Variants in SYTL3 observed in about 807,000 individuals in gnomAD.
The protein encoded by SYTL3 is synaptotagmin-like protein 3.
A neutral mutation model predicts 82.1 loss-of-function variants in SYTL3; 88 were observed. That is an observed-to-expected ratio of 1.07 (90% confidence interval 0.90 to 1.28). The LOEUF (loss-of-function observed/expected upper bound fraction) is 1.28. Among genes scored for constraint, SYTL3 ranks in the 50% most tolerant of loss-of-function variants. The probability of loss-of-function intolerance (pLI) is 0.00; values close to 1 mark genes in which losing one functional copy is unlikely to be tolerated. For synonymous variants in SYTL3, 311 were observed against 289.4 expected (o/e 1.07, Z -0.76); for missense variants, 831 against 757.6 (o/e 1.10, Z -1.14).
chr6:158,700,972 A>T lies in SYTL3; in HGVS notation c.395-6258A>T, dbSNP rs369915454. On this transcript the variant is annotated intron_variant, in intron 6 of 17. Coordinates refer to ENST00000611299, the MANE Select transcript of SYTL3 (RefSeq NM_001242394.2). ...GCAAGCCCTCTTCTGGGTACCAGGG[A>T]CAGCGAGATGCAGAAGATGAGGCCA... Among the ~76,000 whole-genome samples, 17 of 152,324 alleles carry T rather than the reference A, an allele frequency of 1.1e-4. No homozygotes were observed. The East Asian group carries it at 1.5e-3, about 14-fold the overall frequency.
chr6:158,659,966 A>C (rs1432453836), intron 2 of SYTL3, among the ~76,000 whole-genome samples: 3 of 152,284 alleles, frequency 2.0e-5, no homozygotes, highest in African/African-American at 7.2e-5. Context: ...CAGTCAGTCA[A>C]GTCATGAACC....
intron 10 of SYTL3, among the ~76,000 whole-genome samples, chr6:158,718,427 C>T (rs949061073): frequency 1.1e-4 from 17 of 152,206 alleles, no homozygotes; most frequent in African/African-American, 4.1e-4. Context: ...CTGTTCAGCA[C>T]AAGGAAAGGC....
chr6:158,760,784 T>C, intron 15 of SYTL3, 39 bp downstream of exon 15: 3 of 1,519,596 alleles, frequency 2.0e-6, no homozygotes, highest in Non-Finnish European at 2.7e-6. Context: ...GTCTGTGTCA[T>C]TGTCTGCAGA....
chr6:158,757,483 G>A, intron 14 of SYTL3, 102 bp downstream of exon 14: 1 of 1,292,516 alleles, frequency 7.7e-7, no homozygotes, highest in East Asian at 2.3e-5. Flanking sequence ...GCAAGACTTG[G>A]ACCCAAGACT....
intron 6 of SYTL3, among the ~76,000 whole-genome samples, chr6:158,685,969 A>G (rs1040919332): frequency 6.6e-6 from 1 of 152,242 alleles, no homozygotes; most frequent in South Asian, 2.1e-4. Context: ...AATGCCAGCT[A>G]AGTGCAGACA....
rs1406330365 is a variant in SYTL3 at position 158,760,753 on chromosome 6, GCCTCC to G, written c.1414+9_1414+13del. The G allele has an allele frequency of 6.9e-6, 11 of 1,603,756 alleles. No individual in the cohort carries two copies. Among genetic ancestry groups the G allele is most frequent in the South Asian group, 1.1e-5 (1 of 90,860 alleles). Reference sequence around the variant, plus strand: ...TCCAAGAGGCTCAAGAAGGTCAGTGGCCTCCAGCTCCCTGGACATTGTCTGTGTCA... The same window carrying G: ...TCCAAGAGGCTCAAGAAGGTCAGTGGAGCTCCCTGGACATTGTCTGTGTCA... On this transcript the variant is annotated intron_variant, in intron 15 of 17. Coordinates refer to ENST00000611299, the MANE Select transcript of SYTL3 (RefSeq NM_001242394.2).
At chr6:158,674,558 C>T (rs1191463928) in intron 5 of SYTL3, among the ~76,000 whole-genome samples, 2 of 152,212 alleles carry the variant, frequency 1.3e-5, no homozygotes, top group African/African-American at 4.8e-5. Context: ...CCACAGAGAG[C>T]GTGTGCTCCT....
intron 11 of SYTL3, among the ~76,000 whole-genome samples, chr6:158,729,808 C>T (rs532042523): frequency 1.2e-4 from 18 of 151,958 alleles, no homozygotes; most frequent in East Asian, 7.7e-4. Context: ...CCTTGTGATC[C>T]GCTCGCCTTG....
At chr6:158,679,615 G>A (rs1468616001) in intron 5 of SYTL3, among the ~76,000 whole-genome samples, 1 of 152,134 alleles carries the variant, frequency 6.6e-6, no homozygotes, top group Non-Finnish European at 1.5e-5. Context: ...AGATCCTCGA[G>A]TTTATGCCCA....
At chr6:158,741,824 A>G (rs1027335924) in intron 11 of SYTL3, among the ~76,000 whole-genome samples, 7 of 152,074 alleles carry the variant, frequency 4.6e-5, no homozygotes, top group African/African-American at 1.7e-4. Flanking sequence ...CACCTTTCCA[A>G]TTTGCTTCCA....
At chr6:158,721,391 AATTTTT>A (rs1240414733) in intron 10 of SYTL3, among the ~76,000 whole-genome samples, 2 of 151,358 alleles carry the variant, frequency 1.3e-5, no homozygotes, top group Non-Finnish European at 2.9e-5. Flanking sequence ...GATTTTTTTT[AATTTTT>A]ATTTTTAGTA....
intron 11 of SYTL3, among the ~76,000 whole-genome samples, chr6:158,742,252 C>T (rs1787021364): frequency 6.6e-6 from 1 of 152,210 alleles, no homozygotes; most frequent in African/African-American, 2.4e-5. Context: ...GAATGTATTC[C>T]AATATCAAAT....
chr6:158,735,287 A>G (rs1217819620), intron 11 of SYTL3, among the ~76,000 whole-genome samples: 1 of 152,180 alleles, frequency 6.6e-6, no homozygotes, highest in Non-Finnish European at 1.5e-5. Context: ...GCAATTCCCC[A>G]TATACTCATT....
upstream of SYTL3, among the ~76,000 whole-genome samples, chr6:158,645,853 C>T (rs1787411782): frequency 6.6e-6 from 1 of 152,144 alleles, no homozygotes. Flanking sequence ...GATGACTAAA[C>T]TTTTAACATA....
chr6:158,726,292 T>G (rs2128482055), intron 11 of SYTL3: 1 of 427,320 alleles, frequency 2.3e-6, no homozygotes, highest in African/African-American at 2.1e-5. Flanking sequence ...GTTATCCCCA[T>G]GACACAGGCG....
intron 5 of SYTL3, among the ~76,000 whole-genome samples, chr6:158,674,533 A>C (rs1777808982): frequency 6.6e-6 from 1 of 152,222 alleles, no homozygotes; most frequent in Non-Finnish European, 1.5e-5. Context: ...TTAGAAAGCC[A>C]GGTTGAGCGG....
At chr6:158,689,027 T>C (rs1040173028) in intron 6 of SYTL3, among the ~76,000 whole-genome samples, 4 of 152,256 alleles carry the variant, frequency 2.6e-5, no homozygotes, top group African/African-American at 9.6e-5. Flanking sequence ...CTGATGAGTG[T>C]ATCTCACCCC....
At chr6:158,719,259 T>C (rs1013849805) in intron 10 of SYTL3, among the ~76,000 whole-genome samples, 3 of 152,088 alleles carry the variant, frequency 2.0e-5, no homozygotes, top group African/African-American at 7.2e-5. Flanking sequence ...CCATCTAGGG[T>C]AGGTATTGCA....
intron 15 of SYTL3, 34 bp downstream of exon 15, chr6:158,760,779 T>G: frequency 6.5e-7 from 1 of 1,538,172 alleles, no homozygotes. Context: ...ACATTGTCTG[T>G]GTCATTGTCT....
Sources: gnomAD v4.1 joint callset for allele counts (sites outside exome capture counted in the v4.1 genomes callset) on GRCh38, gnomAD v4.1.1 for gene constraint, MANE v1.5 for transcripts, NCBI Gene and HGNC (gene_info 2026-07-23, HGNC 2026-07-21) for gene names.